The following PBX1 variants were observed in gnomAD, a reference collection of about 807,000 sequenced individuals.
The protein encoded by PBX1 is pre-B-cell leukemia transcription factor 1.
Under a neutral mutation model 53.4 loss-of-function variants are expected in PBX1, and 6 were observed. The observed-to-expected ratio is 0.11, with a 90% CI of 0.06 to 0.22. The LOEUF (loss-of-function observed/expected upper bound fraction) is 0.22. Ranked by LOEUF, PBX1 falls within the 10% of genes least tolerant of loss-of-function variation. PBX1 has a pLI of 1.00. For synonymous variants in PBX1, 204 were observed against 212.3 expected, an observed-to-expected ratio of 0.96 and a Z score of 0.34; for missense variants, 251 against 551.4, an observed-to-expected ratio of 0.46 and a Z score of 5.46.
chr1:164,812,257 T>A, intron 6 of PBX1, 108 bp downstream of exon 6: 1 of 1,035,108 alleles, frequency 9.7e-7, no homozygotes, highest in Non-Finnish European at 1.4e-6. Context: ...TTTGATTGGT[T>A]AATTTCTGTA....
At chr1:164,603,929 A>ATCTTTTTT (rs1656368523) in intron 2 of PBX1, among the ~76,000 whole-genome samples, 1 of 75,742 alleles carries the variant, frequency 1.3e-5, no homozygotes, top group Non-Finnish European at 2.3e-5. Context: ...ATGTCATTTC[A>ATCTTTTTT]TTTTTTTTTT....
At chr1:164,650,420 G>A (rs959803239) in intron 2 of PBX1, among the ~76,000 whole-genome samples, 1 of 151,966 alleles carries the variant, frequency 6.6e-6, no homozygotes, top group Admixed American at 6.5e-5. Flanking sequence ...GTAGAGACAG[G>A]GTTTGACCAT....
chr1:164,696,153 C>T (rs1244357935), intron 2 of PBX1, among the ~76,000 whole-genome samples: 2 of 151,832 alleles, frequency 1.3e-5, no homozygotes, highest in East Asian at 1.9e-4. Context: ...AAAAATGTGC[C>T]GGATGTACTA....
chr1:164,847,654 A>T lies in PBX1; in HGVS notation c.*978A>T. 1.9e-6 allele frequency: 2 copies of T among 1,060,342 alleles called. No individual in the cohort carries two copies. The highest frequency in any genetic ancestry group is 2.3e-6 in the Non-Finnish European group (2 of 876,100). The allele number at this position is 1,060,342 out of a possible 1,614,324, so 65.7% of individuals were successfully genotyped here. A position where few individuals can be genotyped will look rare whatever the true frequency, so the allele number is the denominator to read the frequency against. ...TCATGCACATGTAGGCACATGTACC[A>T]TCTCACATCTTCACTTTCCCGAGAT... On this transcript the variant is annotated 3_prime_UTR_variant, in exon 9 of 9. Coordinates refer to ENST00000420696, the MANE Select transcript of PBX1 (RefSeq NM_002585.4).
intron 2 of PBX1, among the ~76,000 whole-genome samples, chr1:164,776,628 C>T (rs949833459): frequency 4.6e-5 from 7 of 152,160 alleles, no homozygotes; most frequent in African/African-American, 1.7e-4. Flanking sequence ...ATGAATTGTG[C>T]CCCAAGGGGG....
intron 2 of PBX1, chr1:164,884,545 A>C (rs1348267339): frequency 2.0e-6 from 1 of 511,160 alleles, no homozygotes; most frequent in South Asian, 1.6e-5. Context: ...TTACCAGGAA[A>C]TTGCAAGAAC....
intron 2 of PBX1, among the ~76,000 whole-genome samples, chr1:164,616,634 G>A (rs568805768): frequency 2.9e-4 from 44 of 152,076 alleles, no homozygotes; most frequent in Non-Finnish European, 5.6e-4. Flanking sequence ...AGGTTAAGAG[G>A]CATATTCTCT....
chr1:164,677,140 C>T lies in PBX1; in HGVS notation c.265+113829C>T, dbSNP rs917979686. 5.5e-5 allele frequency among the ~76,000 whole-genome samples: 8 copies of T among 146,786 alleles called. No homozygotes were observed. The East Asian group carries it at 6.1e-4, about 11-fold the overall frequency. ...TCGCTCTGTCGCCCAGGCCGGACTG[C>T]GGACTGCAGTGGCACAATCTCGGCT... On this transcript the variant is annotated intron_variant, in intron 2 of 8. Transcript: ENST00000420696.
At chr1:164,563,515 T>C (rs1194355686) in intron 2 of PBX1, among the ~76,000 whole-genome samples, 1 of 152,208 alleles carries the variant, frequency 6.6e-6, no homozygotes, top group East Asian at 1.9e-4. Context: ...CAAGCACTAC[T>C]GGTTAATTTT....
In PBX1 at chr1:164,849,157, T is replaced by C; in HGVS notation, c.*2481T>C. ...ACGAAAGAGAGACAAAAGGGTTCTC[T>C]TGGAAACAAGAAGAGTGACTCCAGA... On this transcript the variant is annotated 3_prime_UTR_variant, in exon 9 of 9. Transcript: ENST00000420696. The C allele has an allele frequency of 7.2e-7, 1 of 1,397,306 alleles. No individual in the cohort carries two copies. The highest frequency in any genetic ancestry group is 9.3e-7 in the Non-Finnish European group (1 of 1,076,166). 86.6% of individuals were successfully genotyped at this position (1,397,306 alleles called of 1,614,324 possible). A position where few individuals can be genotyped will look rare whatever the true frequency, so the allele number is the denominator to read the frequency against.
chr1:164,764,274 T>A (rs1666947891), intron 2 of PBX1, among the ~76,000 whole-genome samples: 1 of 152,184 alleles, frequency 6.6e-6, no homozygotes. Context: ...CAAGTAGCTA[T>A]CTTTGATTTA....
intron 1 of PBX1, among the ~76,000 whole-genome samples, chr1:164,562,131 T>C (rs1423005585): frequency 1.3e-5 from 2 of 152,136 alleles, no homozygotes. Context: ...ATATAATGTA[T>C]GTGTTCATTT....
intron 8 of PBX1, among the ~76,000 whole-genome samples, chr1:164,839,792 G>C (rs1671206967): frequency 6.6e-6 from 1 of 152,090 alleles, no homozygotes; most frequent in African/African-American, 2.4e-5. Context: ...TGAACATAGA[G>C]ACCTATAAAC....
At chr1:164,823,860 G>A (rs891281934) in intron 8 of PBX1, among the ~76,000 whole-genome samples, 8 of 152,060 alleles carry the variant, frequency 5.3e-5, no homozygotes, top group East Asian at 1.9e-4. Context: ...AAGGCTGATC[G>A]TGATATGTTC....
chr1:164,723,906 C>A (rs114663629), intron 2 of PBX1, among the ~76,000 whole-genome samples: 2,212 of 152,264 alleles, frequency 0.015, 28 homozygotes, highest in Non-Finnish European at 0.025. Flanking sequence ...GAGCCCACAG[C>A]CTGGAAGGAG....
At chr1:164,781,813 G>A (rs894652823) in intron 2 of PBX1, among the ~76,000 whole-genome samples, 11 of 151,930 alleles carry the variant, frequency 7.2e-5, no homozygotes, top group Non-Finnish European at 1.5e-5. Flanking sequence ...TCCTCTTTTT[G>A]CCAGGAGTTC....
chr1:164,677,314 G>A lies in PBX1; in HGVS notation c.265+114003G>A, dbSNP rs531180268. 9.0e-4 allele frequency among the ~76,000 whole-genome samples: 135 copies of A among 150,674 alleles called. 1 individual carries two copies. The highest frequency in any genetic ancestry group is 3.5e-3 in the Middle Eastern group (1 of 286). Reference sequence around the variant, plus strand: ...TCACCTTGTTAGCCAGGATGGTCTCGATCTCCTGACCTCATGATCCACCCG... The same window carrying A: ...TCACCTTGTTAGCCAGGATGGTCTCAATCTCCTGACCTCATGATCCACCCG... On this transcript the variant is annotated intron_variant, in intron 2 of 8. Transcript: ENST00000420696.
chr1:164,872,601 A>G (rs1254193943), intron 2 of PBX1, among the ~76,000 whole-genome samples: 1 of 152,066 alleles, frequency 6.6e-6, no homozygotes. Flanking sequence ...GATGAGCATT[A>G]TTTTTCTCTT....
rs542999210 is a variant in PBX1, at chr1:164,847,880, T to G, written c.*1204T>G. The stretch of plus-strand genomic sequence containing the variant: ...ATCATGAGGAAGACCAGGTTTCCAG[T>G]GTAAACTACTCTTGTTCCCACCACC... On this transcript the variant is annotated 3_prime_UTR_variant, in exon 9 of 9. Transcript: ENST00000420696. 7.6e-6 allele frequency: 8 copies of G among 1,055,152 alleles called. No homozygotes were observed. Among genetic ancestry groups the G allele is most frequent in the Non-Finnish European group, 9.2e-6 (8 of 872,892 alleles). 65.4% of individuals were successfully genotyped at this position (1,055,152 alleles called of 1,614,324 possible).
Sources: gnomAD v4.1 joint callset for allele counts (sites outside exome capture counted in the v4.1 genomes callset) on GRCh38, gnomAD v4.1.1 for gene constraint, MANE v1.5 for transcripts, NCBI Gene and HGNC (gene_info 2026-07-23, HGNC 2026-07-21) for gene names.